The following FAT1 variants were observed in gnomAD, a reference collection of about 807,000 sequenced individuals.
FAT1 encodes the protein protocadherin Fat 1.
Under a neutral mutation model 329.8 loss-of-function variants are expected in FAT1, and 171 were observed. That is an observed-to-expected ratio of 0.52 (90% CI 0.46 to 0.59). FAT1 has a LOEUF of 0.59. Among genes scored for constraint, FAT1 ranks in the 20% least tolerant of loss-of-function variants. The pLI is 0.00. For synonymous variants in FAT1, 2,233 were observed against 2,228.6 expected (o/e 1.00, Z -0.06); for missense variants, 5,672 against 5,774.4 (o/e 0.98, Z 0.57).
chr4:186,705,037 T>C (rs1744507244), intron 2 of FAT1, among the ~76,000 whole-genome samples: 1 of 146,556 alleles, frequency 6.8e-6, no homozygotes, highest in Non-Finnish European at 1.5e-5. Context: ...CTCGACCTCC[T>C]GGACTCAAGC....
intron 2 of FAT1, among the ~76,000 whole-genome samples, chr4:186,700,561 T>G (rs1303546309): frequency 6.6e-6 from 1 of 152,156 alleles, no homozygotes; most frequent in East Asian, 1.9e-4. Context: ...GAATCTAGGA[T>G]TCAAGGCTGC....
At chr4:186,634,886 C>T (rs1740757841) in intron 6 of FAT1, among the ~76,000 whole-genome samples, 1 of 152,230 alleles carries the variant, frequency 6.6e-6, no homozygotes, top group African/African-American at 2.4e-5. Flanking sequence ...CCAAGCACAG[C>T]AAGGTTACAC....
chr4:186,724,089 G>T (rs368961706), upstream of FAT1, among the ~76,000 whole-genome samples: 4 of 150,420 alleles, frequency 2.7e-5, no homozygotes, highest in East Asian at 8.0e-4. The surrounding 1 kb of genome is among the most constrained non-coding windows in gnomAD (Gnocchi z 5.3). Context: ...GCAGGGCGAG[G>T]CTTGTGATGC....
At chr4:186,690,888 C>G (rs953734484) in intron 2 of FAT1, among the ~76,000 whole-genome samples, 1 of 152,122 alleles carries the variant, frequency 6.6e-6, no homozygotes, top group Non-Finnish European at 1.5e-5. Flanking sequence ...TTAATACTTA[C>G]GCTAATCACA....
intron 2 of FAT1, among the ~76,000 whole-genome samples, chr4:186,680,562 A>G (rs549233137): frequency 3.9e-5 from 6 of 152,226 alleles, no homozygotes; most frequent in Admixed American, 2.0e-4. Context: ...GACCTCTTAC[A>G]TGAACACTAC....
chr4:186,725,353 G>T (rs935143409), upstream of FAT1, among the ~76,000 whole-genome samples: 7 of 151,962 alleles, frequency 4.6e-5, no homozygotes, highest in Non-Finnish European at 8.8e-5. This position sits in a 1 kb window ranked among gnomAD's most constrained non-coding sequence, Gnocchi z 5.4. Context: ...GGGAAAAGAA[G>T]AACAGTAAAA....
intron 3 of FAT1, among the ~76,000 whole-genome samples, chr4:186,650,166 G>T (rs1417883882): frequency 6.6e-6 from 1 of 152,234 alleles, no homozygotes; most frequent in African/African-American, 2.4e-5. Context: ...CTCAGGAGGA[G>T]GAGAGAGCAG....
In FAT1 at chr4:186,604,547, G is replaced by T; in HGVS notation, c.10378C>A (p.Leu3460Met). 6.2e-7 allele frequency: 1 copy of T among 1,610,920 alleles called. No homozygotes were observed. The highest frequency in any genetic ancestry group is 1.1e-5 in the South Asian group (1 of 90,130). Residue 3460 changes from leucine (L) to methionine (M), a missense_variant, in exon 18 of 27, where the codon CTG becomes ATG. Leu to Met is a conservative substitution (Grantham distance 15, BLOSUM62 2). This residue lies in a region of FAT1 where 1,706 missense variants were observed against 1,859.1 expected (regional missense o/e 0.92). Transcript: ENST00000441802. Reference sequence around the variant, plus strand: ...TCCTCATCTGTTACTACCAGCTGCAGCACGCTGAAGCCCACTGGCTTATTT... The same window carrying T: ...TCCTCATCTGTTACTACCAGCTGCATCACGCTGAAGCCCACTGGCTTATTT... ...QENKPVGFSV[L>M]QLVVTDEDSS...
intron 17 of FAT1, among the ~76,000 whole-genome samples, 174 bp downstream of exon 17, chr4:186,605,896 A>C (rs1454405785): frequency 2.0e-5 from 3 of 152,080 alleles, no homozygotes; most frequent in Admixed American, 6.6e-5. Flanking sequence ...AAAGAGATAA[A>C]AGCTTGGCTT....
chr4:186,709,844 A>G lies in FAT1; in HGVS notation c.-17T>C, dbSNP rs73876306. The G allele has an allele frequency of 1.8e-3, 2,916 of 1,576,868 alleles. 48 individuals carry two copies. In the African/African-American group the frequency reaches 0.035, roughly 19 times the overall value. On this transcript the variant is annotated splice_region_variant and 5_prime_UTR_variant, in exon 2 of 27. Coordinates refer to ENST00000441802, the MANE Select transcript of FAT1 (RefSeq NM_005245.4). The stretch of plus-strand genomic sequence containing the variant: ...TCTCCCCATTGCTTAACTGTCGGGA[A>G]TCTGAAACAGAAGAAATCAGAATCG...
In FAT1 at chr4:186,606,070, C is replaced by A; in HGVS notation, c.10350G>T (p.Gln3450His). The A allele has an allele frequency of 6.2e-7, 1 of 1,612,654 alleles. No homozygotes were observed. The highest frequency in any genetic ancestry group is 8.5e-7 in the Non-Finnish European group (1 of 1,179,646). ...FSRGNYSVII[Q>H]ENKPVGFSVL... Reference sequence around the variant, plus strand: ...GACCACCTTGGCACTCGAAGCCCACCTGGATAATGACACTGTAGTTTCCCC... The same window carrying A: ...GACCACCTTGGCACTCGAAGCCCACATGGATAATGACACTGTAGTTTCCCC... The change falls in exon 17 of 27, where the codon CAG (glutamine) becomes CAT (histidine). Residue 3450 changes from glutamine to histidine, a missense_variant and splice_region_variant. Physicochemically the swap from Gln to His is conservative, Grantham distance 24. Transcript: ENST00000441802.
intron 2 of FAT1, among the ~76,000 whole-genome samples, chr4:186,666,826 C>G (rs10155467): frequency 6.6e-6 from 1 of 151,968 alleles, no homozygotes; most frequent in Non-Finnish European, 1.5e-5. Context: ...ATTTCACTAA[C>G]GAAAAACTCA....
chr4:186,591,635 G>A (rs1172969997), intron 26 of FAT1, among the ~76,000 whole-genome samples: 2 of 152,180 alleles, frequency 1.3e-5, no homozygotes, highest in Non-Finnish European at 2.9e-5. Context: ...TATTTAAAAT[G>A]CTGAAGGTCA....
At chr4:186,611,208 T>A (rs1310970718) in intron 14 of FAT1, among the ~76,000 whole-genome samples, 178 bp downstream of exon 14, 1 of 152,220 alleles carries the variant, frequency 6.6e-6, no homozygotes, top group Middle Eastern at 3.2e-3. Context: ...AGAACTATAA[T>A]CTGAAGCCTT....
At chr4:186,607,572 G>A (rs1184611710) in intron 16 of FAT1, among the ~76,000 whole-genome samples, 1 of 151,960 alleles carries the variant, frequency 6.6e-6, no homozygotes, top group African/African-American at 2.4e-5. Context: ...GGTGGTGGGT[G>A]GATGGACACA....
At chr4:186,606,581 T>C (rs1244804074) in intron 16 of FAT1, among the ~76,000 whole-genome samples, 1 of 152,146 alleles carries the variant, frequency 6.6e-6, no homozygotes, top group Non-Finnish European at 1.5e-5. Context: ...GGGAGCAGCC[T>C]TCCTTAGGGC....
chr4:186,601,092 A>T (rs1159203660), intron 21 of FAT1, among the ~76,000 whole-genome samples, 177 bp downstream of exon 21: 1 of 152,254 alleles, frequency 6.6e-6, no homozygotes, highest in Non-Finnish European at 1.5e-5. Flanking sequence ...GGCAGGGCAA[A>T]AAGAGCTCTT....
chr4:186,660,992 CTCTAA>C (rs1324833182), intron 3 of FAT1, among the ~76,000 whole-genome samples: 13 of 152,194 alleles, frequency 8.5e-5, no homozygotes, highest in Non-Finnish European at 1.8e-4. Flanking sequence ...AGAGGACTTA[CTCTAA>C]TCTAAAAGAG....
At position 186,709,717 on chromosome 4, in the gene FAT1, G is replaced by A. The variant is rs200360973; in HGVS notation, c.111C>T (p.Leu37=). ...TCTCCTGCACGGTGACGTTGTACTC[G>A]AGGTGTGTAAACTGCAGAGGAGTCT... ...LEQTPLQFTH[L]EYNVTVQENS... is the part of the protein sequence containing the mutation. The change falls in exon 2 of 27, where the codon CTC becomes CTT. Residue 37 remains leucine (L), a synonymous_variant. Transcript: ENST00000441802. The A allele has an allele frequency of 1.8e-5, 29 of 1,613,938 alleles. No individual in the cohort carries two copies. The African/African-American group carries it at 1.9e-4, about 10-fold the overall frequency.
Sources: allele counts gnomAD v4.1 joint callset (sites outside exome capture counted in the v4.1 genomes callset), GRCh38; gene constraint gnomAD v4.1.1; regional missense constraint gnomAD v4.1.1; non-coding constraint Gnocchi (gnomAD v3.1); transcripts MANE v1.5; gene names NCBI Gene and HGNC (gene_info 2026-07-23, HGNC 2026-07-21).